Variants in ABCG8 observed in about 807,000 individuals in gnomAD.
The protein encoded by ABCG8 is ATP-binding cassette sub-family G member 8.
In ABCG8, 81 loss-of-function variants were observed where a neutral mutation model predicts 71.3. The observed-to-expected ratio is 1.14, with a 90% CI of 0.95 to 1.37. The LOEUF is 1.37. Among genes scored for constraint, ABCG8 ranks in the 40% most tolerant of loss-of-function variants. The pLI, the probability that ABCG8 is intolerant of heterozygous loss-of-function variation, is 0.00. For synonymous variants in ABCG8, 451 were observed against 354.7 expected, an observed-to-expected ratio of 1.27 and a Z score of -3.05; for missense variants, 1,119 against 866.2, an observed-to-expected ratio of 1.29 and a Z score of -3.66.
intron 6 of ABCG8, among the ~76,000 whole-genome samples, chr2:43,868,837 T>G (rs957377934): frequency 1.3e-5 from 2 of 151,850 alleles, no homozygotes; most frequent in Admixed American, 1.3e-4. Flanking sequence ...GAATTCTCAC[T>G]CTAGATAGAA....
At chr2:43,857,876 A>G (rs574157723) in intron 6 of ABCG8, among the ~76,000 whole-genome samples, 3 of 151,182 alleles carry the variant, frequency 2.0e-5, no homozygotes, top group South Asian at 2.1e-4. Flanking sequence ...GGAATTCGCT[A>G]TCTCTGGATA....
chr2:43,874,057 G>A, intron 9 of ABCG8, 71 bp downstream of exon 9: 7 of 1,449,492 alleles, frequency 4.8e-6, no homozygotes, highest in Non-Finnish European at 6.5e-6. Context: ...CTGAGCTCCT[G>A]GGGAGCGGGT....
intron 1 of ABCG8, among the ~76,000 whole-genome samples, chr2:43,840,510 G>A (rs914529604): frequency 1.3e-5 from 2 of 152,218 alleles, no homozygotes; most frequent in African/African-American, 4.8e-5. Flanking sequence ...CACTCCAGGT[G>A]CTGAGTGACG....
chr2:43,877,262 G>A (rs1669988721), intron 11 of ABCG8, among the ~76,000 whole-genome samples: 1 of 151,318 alleles, frequency 6.6e-6, no homozygotes, highest in African/African-American at 2.4e-5. Flanking sequence ...ATATAAAGGA[G>A]ACCGTGGGAA....
chr2:43,882,722 G>A lies in ABCG8; in HGVS notation c.*4809G>A, dbSNP rs987817470. 2.6e-5 allele frequency: 4 copies of A among 152,254 alleles called. No individual in the cohort carries two copies. The highest frequency in any genetic ancestry group is 9.6e-5 in the African/African-American group (4 of 41,466). 9.4% of individuals were successfully genotyped at this position (152,254 alleles called of 1,614,324 possible). A position where few individuals can be genotyped will look rare whatever the true frequency, so the allele number is the denominator to read the frequency against. ...GCTTCAGCAGGTAGGCAGGCAGGCA[G>A]ATGGAGCACAGCCCATTCTCTGCTG... On this transcript the variant is annotated 3_prime_UTR_variant, in exon 13 of 13. Coordinates refer to ENST00000272286, the MANE Select transcript of ABCG8 (RefSeq NM_022437.3).
rs200161664 is a variant in ABCG8 at position 43,875,457 on chromosome 2, A to T, written c.1756+44A>T. The T allele has an allele frequency of 2.5e-6, 4 of 1,594,310 alleles. No homozygotes were observed. The South Asian group carries it at 3.4e-5, about 13-fold the overall frequency. On this transcript the variant is annotated intron_variant, in intron 11 of 12. Coordinates refer to ENST00000272286, the MANE Select transcript of ABCG8 (RefSeq NM_022437.3). Reference sequence around the variant, plus strand: ...GCCTGGGCCAGCTTTGTTAGGACTCATGTGACTGGATGAAGCCTGCTTTCA... The same window carrying T: ...GCCTGGGCCAGCTTTGTTAGGACTCTTGTGACTGGATGAAGCCTGCTTTCA...
intron 8 of ABCG8, among the ~76,000 whole-genome samples, chr2:43,873,010 C>T (rs561504595): frequency 6.6e-6 from 1 of 152,040 alleles, no homozygotes; most frequent in East Asian, 1.9e-4. Context: ...GCATGCTGGT[C>T]TGTAGCTGGT....
chr2:43,874,371 C>CT, intron 9 of ABCG8, 36 bp from the exon 10 acceptor site: 2 of 1,468,188 alleles, frequency 1.4e-6, no homozygotes, highest in Non-Finnish European at 1.9e-6. Flanking sequence ...ATTTATTCTA[C>CT]TTCTTCATTC....
Position 43,852,730 on chromosome 2 carries a change from A to T in ABCG8, c.826A>T (p.Ile276Phe), listed in dbSNP as rs1283620670. The T allele has an allele frequency of 1.2e-6, 2 of 1,614,162 alleles. No individual in the cohort carries two copies. The highest frequency in any genetic ancestry group is 1.7e-6 in the Non-Finnish European group (2 of 1,180,024). Residue 276 changes from isoleucine to phenylalanine, a missense_variant, in exon 6 of 13, where the codon ATC (isoleucine) becomes TTC (phenylalanine). Transcript: ENST00000272286. ...CTCCCTCCACCAGCCTCGCTCTGACATCTTCAGGCTGTTTGATCTGGTCCT... is the reference window on the plus strand; with the variant it reads ...CTCCCTCCACCAGCCTCGCTCTGACTTCTTCAGGCTGTTTGATCTGGTCCT... ...LISLHQPRSD[I>F]FRLFDLVLLM...
At chr2:43,870,767 G>A (rs1402335570) in intron 6 of ABCG8, among the ~76,000 whole-genome samples, 2 of 149,722 alleles carry the variant, frequency 1.3e-5, no homozygotes, top group Non-Finnish European at 3.0e-5. Context: ...TTTTCTGTCT[G>A]GATAGAATTT....
chr2:43,859,914 T>C (rs1371205668), intron 6 of ABCG8, among the ~76,000 whole-genome samples: 1 of 151,362 alleles, frequency 6.6e-6, no homozygotes, highest in African/African-American at 2.4e-5. Context: ...ATTCTCTGGA[T>C]AGATCTCTCA....
rs1333626458 is a variant in ABCG8 at position 43,851,694 on chromosome 2, A to G, written c.433A>G (p.Arg145Gly). ...GCAGCCCAGCTCGCCTCAGCTGGTG[A>G]GGAAGTGTGTGGCCCACGTGCGCCA... ...NGQPSSPQLV[R>G]KCVAHVRQHN... The change falls in exon 4 of 13, where the codon AGG becomes GGG. Residue 145 changes from arginine to glycine, a missense_variant. Transcript: ENST00000272286. The G allele has an allele frequency of 6.8e-6, 11 of 1,614,110 alleles. No homozygotes were observed. Among genetic ancestry groups the G allele is most frequent in the East Asian group, 2.2e-5 (1 of 44,884 alleles).
Position 43,851,704 on chromosome 2 carries a change from T to G in ABCG8, c.443T>G (p.Val148Gly), listed in dbSNP as rs779289893. Residue 148 changes from valine (V) to glycine (G), a missense_variant, in exon 4 of 13, where the codon GTG becomes GGG. By Grantham distance (109) the Val-to-Gly change is moderately radical. Transcript: ENST00000272286. ...TCGCCTCAGCTGGTGAGGAAGTGTGTGGCCCACGTGCGCCAGCACAACCAG... is the reference window on the plus strand; with the variant it reads ...TCGCCTCAGCTGGTGAGGAAGTGTGGGGCCCACGTGCGCCAGCACAACCAG... Reference protein sequence around the residue: ...PSSPQLVRKCVAHVRQHNQLL... With the variant: ...PSSPQLVRKCGAHVRQHNQLL... 6.2e-7 allele frequency: 1 copy of G among 1,614,244 alleles called. No homozygotes were observed. Among genetic ancestry groups the G allele is most frequent in the East Asian group, 2.2e-5 (1 of 44,882 alleles).
rs1572826205 is a variant in ABCG8 at position 43,846,382 on chromosome 2, A to G, written c.322+71A>G. The G allele has an allele frequency of 3.8e-6, 6 of 1,599,616 alleles. No homozygotes were observed. In the East Asian group the frequency reaches 8.9e-5, roughly 24 times the overall value. ...ACAGAATGGTCCTTTGGACAAATGG[A>G]TGCTTCTTATGGAGCTCTTTGCTGA... On this transcript the variant is annotated intron_variant, in intron 3 of 12. Coordinates refer to ENST00000272286, the MANE Select transcript of ABCG8 (RefSeq NM_022437.3).
chr2:43,878,810 A>G lies in ABCG8; in HGVS notation c.*897A>G, dbSNP rs185656286. On this transcript the variant is annotated 3_prime_UTR_variant, in exon 13 of 13. Transcript: ENST00000272286. Reference sequence around the variant, plus strand: ...TCACCCAAATCTCACCTTGAATTGTAATAATCCCCAAGTGTCAAGGGCGGG... The same window carrying G: ...TCACCCAAATCTCACCTTGAATTGTGATAATCCCCAAGTGTCAAGGGCGGG... The G allele has an allele frequency of 1.3e-5, 2 of 152,378 alleles. No individual in the cohort carries two copies. The highest frequency in any genetic ancestry group is 1.3e-4 in the Admixed American group (2 of 15,298). 9.4% of individuals were successfully genotyped at this position (152,378 alleles called of 1,614,324 possible). A position where few individuals can be genotyped will look rare whatever the true frequency, so the allele number is the denominator to read the frequency against.
At chr2:43,870,001 A>G (rs1669704570) in intron 6 of ABCG8, among the ~76,000 whole-genome samples, 1 of 152,144 alleles carries the variant, frequency 6.6e-6, no homozygotes, top group South Asian at 2.1e-4. Flanking sequence ...CTATCTGGAT[A>G]GAATTCTCAC....
chr2:43,840,286 C>A (rs989839743), intron 1 of ABCG8, among the ~76,000 whole-genome samples: 3 of 152,208 alleles, frequency 2.0e-5, no homozygotes, highest in Admixed American at 6.5e-5. Context: ...CACATCTGAC[C>A]AGCTCTGCTC....
chr2:43,839,484 T>C (rs1668492926), intron 1 of ABCG8, among the ~76,000 whole-genome samples: 1 of 128,742 alleles, frequency 7.8e-6, no homozygotes. Context: ...TGGAGTGCAG[T>C]GGCGTGATCT....
chr2:43,876,353 CAG>C (rs1669957878), intron 11 of ABCG8, among the ~76,000 whole-genome samples: 1 of 152,310 alleles, frequency 6.6e-6, no homozygotes, highest in Middle Eastern at 3.4e-3. Context: ...GGCCCTGTCT[CAG>C]AGAGTGGGAT....
Sources: allele counts gnomAD v4.1 joint callset (sites outside exome capture counted in the v4.1 genomes callset), GRCh38; gene constraint gnomAD v4.1.1; transcripts MANE v1.5; gene names NCBI Gene and HGNC (gene_info 2026-07-23, HGNC 2026-07-21).